The following CFHR5 variants were observed in gnomAD, a reference collection of about 807,000 sequenced individuals.
The protein encoded by CFHR5 is complement factor H-related protein 5.
Under a neutral mutation model 62.9 loss-of-function variants are expected in CFHR5, and 73 were observed. The observed-to-expected ratio is 1.16, with a 90% CI of 0.96 to 1.41. CFHR5 has a LOEUF of 1.41. CFHR5 is among the 40% of genes most tolerant of loss of function. The pLI is 0.00. For missense variants in CFHR5, 779 were observed against 679.9 expected (o/e 1.15, Z -1.62); for synonymous variants, 249 against 227.2 (o/e 1.10, Z -0.86).
chr1:196,998,193 G>A lies in CFHR5; in HGVS notation c.1036G>A (p.Gly346Arg), dbSNP rs1272534723. 1 of 1,604,062 alleles carries A rather than the reference G, an allele frequency of 6.2e-7. No individual in the cohort carries two copies. Among genetic ancestry groups the A allele is most frequent in the Non-Finnish European group, 8.5e-7 (1 of 1,174,192 alleles). ...VNIKTLLKLSGKEFNHNSRIR... is the reference protein window; with the variant it reads ...VNIKTLLKLSRKEFNHNSRIR... ...TATAAAAACATTACTCAAGCTATCTGGGAAAGAATTTAATCATAATTCTAG... is the reference window on the plus strand; with the variant it reads ...TATAAAAACATTACTCAAGCTATCTAGGAAAGAATTTAATCATAATTCTAG... Residue 346 changes from glycine (G) to arginine (R), a missense_variant, in exon 7 of 10, where the codon GGG becomes AGG. By Grantham distance (125) the Gly-to-Arg change is moderately radical. Coordinates refer to ENST00000256785, the MANE Select transcript of CFHR5 (RefSeq NM_030787.4).
At chr1:196,996,835 G>A (rs763107340) in intron 6 of CFHR5, among the ~76,000 whole-genome samples, 4 of 151,792 alleles carry the variant, frequency 2.6e-5, no homozygotes, top group East Asian at 1.9e-4. Flanking sequence ...TTAGTTTGTC[G>A]GTTTCCTCCA....
intron 7 of CFHR5, among the ~76,000 whole-genome samples, chr1:196,999,231 A>G (rs1252683666): frequency 6.6e-6 from 1 of 151,976 alleles, no homozygotes; most frequent in Non-Finnish European, 1.5e-5. Flanking sequence ...AAAAGATAAG[A>G]TAACTACAAT....
At chr1:197,008,369 A>C in intron 9 of CFHR5, 118 bp from the exon 10 acceptor site, 1 of 470,484 alleles carries the variant, frequency 2.1e-6, no homozygotes. Flanking sequence ...TTTTAAATAA[A>C]TATTAATATT....
chr1:196,975,391 G>T (rs1276825946), upstream of CFHR5, among the ~76,000 whole-genome samples: 1 of 152,142 alleles, frequency 6.6e-6, no homozygotes, highest in Admixed American at 6.5e-5. Context: ...AAGATGTTTG[G>T]TATGTTTGCA....
chr1:196,977,054 G>A (rs1448345929), upstream of CFHR5, among the ~76,000 whole-genome samples: 1 of 151,652 alleles, frequency 6.6e-6, no homozygotes, highest in Non-Finnish European at 1.5e-5. Context: ...TGATCCACCC[G>A]CCTCGGCCTC....
intron 3 of CFHR5, among the ~76,000 whole-genome samples, chr1:196,986,663 C>T (rs1358357713): frequency 6.6e-6 from 1 of 152,064 alleles, no homozygotes; most frequent in Non-Finnish European, 1.5e-5. Flanking sequence ...ATGATGGTTT[C>T]CAGGTTCATC....
rs142998381 is a variant in CFHR5, at chr1:196,994,085, G to T, written c.436G>T (p.Glu146Ter). ...TPPICSFTKG[E>*]CHVPILEANV... ...TCATTTAATTTTATTTTTAGAAGGA[G>T]AATGTCATGTTCCAATTTTAGAAGC... The change falls in exon 4 of 10, where the codon GAA becomes TAA. Residue 146 changes from glutamate to a stop codon, truncating the protein, a stop_gained. Coordinates refer to ENST00000256785, the MANE Select transcript of CFHR5 (RefSeq NM_030787.4). LOFTEE classifies it high-confidence loss of function. 2.6e-5 allele frequency: 42 copies of T among 1,610,716 alleles called. No homozygotes were observed. Among genetic ancestry groups the T allele is most frequent in the Non-Finnish European group, 3.1e-5 (36 of 1,177,592 alleles).
intron 3 of CFHR5, among the ~76,000 whole-genome samples, chr1:196,992,215 C>T (rs188577815): frequency 2.1e-3 from 315 of 152,292 alleles, no homozygotes; most frequent in Middle Eastern, 6.8e-3. Context: ...GATACAGTCT[C>T]CTGGTGTGTC....
intron 4 of CFHR5, among the ~76,000 whole-genome samples, chr1:196,994,670 A>G (rs1267270073): frequency 6.6e-6 from 1 of 152,186 alleles, no homozygotes; most frequent in Non-Finnish European, 1.5e-5. Context: ...TTCAGATGGC[A>G]CTATTTTTAT....
intron 6 of CFHR5, among the ~76,000 whole-genome samples, chr1:196,997,046 CT>C (rs1351369992): frequency 6.6e-6 from 1 of 152,026 alleles, no homozygotes; most frequent in Non-Finnish European, 1.5e-5. Context: ...ACATTAAAGC[CT>C]CTAATTTTGA....
chr1:196,975,929 G>A (rs1653386873), upstream of CFHR5, among the ~76,000 whole-genome samples: 1 of 152,148 alleles, frequency 6.6e-6, no homozygotes, highest in South Asian at 2.1e-4. Context: ...TGACAGTGAT[G>A]AGCCATGGAA....
At chr1:196,980,660 A>T (rs977288284) in intron 1 of CFHR5, among the ~76,000 whole-genome samples, 6 of 151,564 alleles carry the variant, frequency 4.0e-5, no homozygotes, top group African/African-American at 1.5e-4. Context: ...ACAGTATTCT[A>T]TCAGAATGTC....
In CFHR5 at chr1:197,008,485, AG is replaced by A. The variant is rs1654349099; in HGVS notation, c.1514-1del. The stretch of plus-strand genomic sequence containing the variant: ...ATTTTATTTTACCATTTCTTCTTTC[AG>A]ATCCATGTGTGGTATCTGAAGAAAA... On this transcript the variant is annotated splice_acceptor_variant, in intron 9 of 9. Coordinates refer to ENST00000256785, the MANE Select transcript of CFHR5 (RefSeq NM_030787.4). LOFTEE classifies it high-confidence loss of function. 6.4e-7 allele frequency: 1 copy of A among 1,558,022 alleles called. No individual in the cohort carries two copies. The highest frequency in any genetic ancestry group is 1.4e-5 in the African/African-American group (1 of 73,434).
chr1:196,979,784 A>G (rs1345357390), intron 1 of CFHR5, among the ~76,000 whole-genome samples: 2 of 152,008 alleles, frequency 1.3e-5, no homozygotes, highest in African/African-American at 4.8e-5. Flanking sequence ...GGTTACATGG[A>G]TAAGTTCTTT....
intron 7 of CFHR5, among the ~76,000 whole-genome samples, chr1:196,999,708 T>TAC: frequency 2.1e-5 from 1 of 46,756 alleles, no homozygotes; most frequent in East Asian, 5.8e-3. Context: ...TATATATATA[T>TAC]ATATATATAT....
At position 196,983,992 on chromosome 1, in the gene CFHR5, T is replaced by C. The variant is rs764351908; in HGVS notation, c.285T>C (p.Gly95=). The C allele has an allele frequency of 5.0e-6, 8 of 1,612,114 alleles. No homozygotes were observed. Among genetic ancestry groups the C allele is most frequent in the East Asian group, 4.5e-5 (2 of 44,820 alleles). ...GTTCCTTTCCTTTTGTGAAAAATGG[T>C]CATTCTGAATCTTCAGGACTAATAC... The part of the protein sequence containing the change: ...RMCSFPFVKN[G]HSESSGLIHL... Residue 95 remains glycine (G), a synonymous_variant, in exon 3 of 10, where the codon GGT becomes GGC. Coordinates refer to ENST00000256785, the MANE Select transcript of CFHR5 (RefSeq NM_030787.4).
chr1:196,977,394 C>A (rs879572031), upstream of CFHR5, among the ~76,000 whole-genome samples: 1 of 151,722 alleles, frequency 6.6e-6, no homozygotes, highest in Non-Finnish European at 1.5e-5. Context: ...GTGACTACAA[C>A]AAGGAAATTG....
intron 3 of CFHR5, among the ~76,000 whole-genome samples, chr1:196,989,122 A>G (rs1475102882): frequency 6.6e-6 from 1 of 152,138 alleles, no homozygotes. Context: ...CGAGGAATTT[A>G]TCCATTTCTT....
upstream of CFHR5, among the ~76,000 whole-genome samples, chr1:196,975,406 G>A (rs1414934511): frequency 6.6e-6 from 1 of 152,142 alleles, no homozygotes; most frequent in African/African-American, 2.4e-5. Flanking sequence ...TTTGCATATT[G>A]GTGGAAATAA....
Sources: allele counts gnomAD v4.1 joint callset (sites outside exome capture counted in the v4.1 genomes callset), GRCh38; gene constraint gnomAD v4.1.1; transcripts MANE v1.5; gene names NCBI Gene and HGNC (gene_info 2026-07-23, HGNC 2026-07-21).